The following SPTBN4 variants were observed in gnomAD, a reference collection of about 807,000 sequenced individuals.
SPTBN4 encodes the protein spectrin beta, non-erythrocytic 4.
SPTBN4 carries 96 observed loss-of-function variants against 277.8 expected under a neutral mutation model. The observed-to-expected ratio is 0.35, with a 90% CI of 0.29 to 0.41. The LOEUF (loss-of-function observed/expected upper bound fraction) is 0.41, where lower values mean the gene tolerates loss of function less well. Among genes scored for constraint, SPTBN4 ranks in the 10% least tolerant of loss-of-function variants. The pLI, the probability that SPTBN4 is intolerant of heterozygous loss-of-function variation, is 1.00. For missense variants in SPTBN4, 3,006 were observed against 3,595.7 expected, an observed-to-expected ratio of 0.84 and a Z score of 4.19; for synonymous variants, 1,481 against 1,580.3, an observed-to-expected ratio of 0.94 and a Z score of 1.49.
chr19:40,565,490 G>T lies in SPTBN4; in HGVS notation c.5983G>T (p.Val1995Leu). The T allele has an allele frequency of 6.2e-7, 1 of 1,614,144 alleles. No homozygotes were observed. The highest frequency in any genetic ancestry group is 8.5e-7 in the Non-Finnish European group (1 of 1,180,020). ...CCTGAAGACTGAGCTGGAGGCGCGG[G>T]TGCCTGAGCTGACCACCTGCCAGGA... ...QGLKTELEAR[V>L]PELTTCQELG... Residue 1995 changes from valine to leucine, a missense_variant, in exon 28 of 36, where the codon GTG becomes TTG. Val to Leu is a conservative substitution (Grantham distance 32). Transcript: ENST00000598249.
At chr19:40,468,593 C>T (rs186272126) in intron 1 of SPTBN4, among the ~76,000 whole-genome samples, 6 of 152,200 alleles carry the variant, frequency 3.9e-5, no homozygotes, top group South Asian at 2.1e-4. Flanking sequence ...TTGGCCAGGC[C>T]GGTCTCGAAT....
At position 40,549,093 on chromosome 19, in the gene SPTBN4, G is replaced by C. The variant is rs531958516; in HGVS notation, c.4360-96G>C. The C allele has an allele frequency of 2.1e-4, 217 of 1,027,144 alleles. 2 individuals are homozygous for C. Among genetic ancestry groups the C allele is most frequent in the African/African-American group, 2.1e-3 (126 of 60,572 alleles). 63.6% of individuals were successfully genotyped at this position (1,027,144 alleles called of 1,614,324 possible). A position where few individuals can be genotyped will look rare whatever the true frequency, so the allele number is the denominator to read the frequency against. Reference sequence around the variant, plus strand: ...AGGAGAGGGTGGAAGGGTGGGCCGCGGTGAGGGGTCTGGCTGTCACCATAA... The same window carrying C: ...AGGAGAGGGTGGAAGGGTGGGCCGCCGTGAGGGGTCTGGCTGTCACCATAA... On this transcript the variant is annotated intron_variant, in intron 20 of 35. Coordinates refer to ENST00000598249, the MANE Select transcript of SPTBN4 (RefSeq NM_020971.3).
At chr19:40,532,793 C>T in intron 19 of SPTBN4, 22 bp downstream of exon 19, 1 of 1,597,342 alleles carries the variant, frequency 6.3e-7, no homozygotes, top group Non-Finnish European at 8.5e-7. Context: ...GATGGCCCCT[C>T]TGCCTGTGCC....
At chr19:40,501,770 C>T (rs1386222698) in intron 7 of SPTBN4, 151 bp from the exon 8 acceptor site, 14 of 670,188 alleles carry the variant, frequency 2.1e-5, no homozygotes, top group African/African-American at 5.4e-5. Flanking sequence ...TTCTATTTGA[C>T]GGATACAAAA....
intron 7 of SPTBN4, 21 bp downstream of exon 7, chr19:40,497,625 G>T: frequency 6.2e-7 from 1 of 1,604,094 alleles, no homozygotes. Context: ...CGCGGGCCCA[G>T]CCCAGACTTC....
rs747607156 is a variant in SPTBN4 at position 40,534,162 on chromosome 19, C to T, written c.4178C>T (p.Ala1393Val). ...CTGGGCGAGATCCGCCAGTGCTGGG[C>T]GGAGCTGGAGAGCACCACCCAGGCC... Reference protein sequence around the residue: ...KKLGEIRQCWAELESTTQAKA... With the variant: ...KKLGEIRQCWVELESTTQAKA... The change falls in exon 20 of 36, where the codon GCG becomes GTG. Residue 1393 changes from alanine to valine, a missense_variant. Around this residue, in one of 5 missense-constraint regions of SPTBN4, gnomAD observed 1,759 missense variants for 2,061.5 expected, o/e 0.85. Coordinates refer to ENST00000598249, the MANE Select transcript of SPTBN4 (RefSeq NM_020971.3). 88 of 1,613,216 alleles carry T rather than the reference C, an allele frequency of 5.5e-5. No individual in the cohort carries two copies. Among genetic ancestry groups the T allele is most frequent in the African/African-American group, 1.1e-4 (8 of 74,922 alleles).
At chr19:40,504,642 C>T (rs2080303746) in intron 12 of SPTBN4, among the ~76,000 whole-genome samples, 1 of 150,944 alleles carries the variant, frequency 6.6e-6, no homozygotes, top group South Asian at 2.1e-4. Context: ...GCACTCCAGC[C>T]TGGGCGACAG....
intron 31 of SPTBN4, 95 bp downstream of exon 31, chr19:40,568,377 GA>G: frequency 7.0e-7 from 1 of 1,431,434 alleles, no homozygotes; most frequent in Non-Finnish European, 9.2e-7. Context: ...TCAGGGCTCA[GA>G]ACTTCCCAAA....
chr19:40,484,697 G>C (rs774404107), intron 2 of SPTBN4, among the ~76,000 whole-genome samples: 2 of 151,896 alleles, frequency 1.3e-5, no homozygotes, highest in East Asian at 1.9e-4. Context: ...GGAGGCCAAG[G>C]GGGGTGGATC....
At chr19:40,495,580 G>A (rs551795862) in intron 6 of SPTBN4, among the ~76,000 whole-genome samples, 7 of 152,092 alleles carry the variant, frequency 4.6e-5, no homozygotes, top group South Asian at 4.2e-4. Flanking sequence ...CCCAGGAGGC[G>A]GAGGTTGCAA....
At chr19:40,484,787 C>T (rs1443613540) in intron 2 of SPTBN4, among the ~76,000 whole-genome samples, 1 of 151,718 alleles carries the variant, frequency 6.6e-6, no homozygotes, top group Non-Finnish European at 1.5e-5. Context: ...AAAAAATTAG[C>T]CGGGCGTGGT....
At chr19:40,472,155 C>T (rs2079892376) in intron 1 of SPTBN4, among the ~76,000 whole-genome samples, 1 of 151,994 alleles carries the variant, frequency 6.6e-6, no homozygotes, top group Non-Finnish European at 1.5e-5. Context: ...GTGATCCGCC[C>T]GCCTCTGCCT....
intron 1 of SPTBN4, among the ~76,000 whole-genome samples, chr19:40,471,222 C>T (rs2079881242): frequency 6.6e-6 from 1 of 152,164 alleles, no homozygotes; most frequent in Non-Finnish European, 1.5e-5. Flanking sequence ...GCTGGGATTA[C>T]ATGCATGAGC....
intron 18 of SPTBN4, among the ~76,000 whole-genome samples, chr19:40,530,313 C>T (rs1004841149): frequency 6.6e-6 from 1 of 152,068 alleles, no homozygotes; most frequent in Admixed American, 6.5e-5. Context: ...GATCAGGCAG[C>T]AATCATCTGA....
chr19:40,485,487 C>T (rs1017900525), intron 2 of SPTBN4, among the ~76,000 whole-genome samples: 3 of 151,976 alleles, frequency 2.0e-5, no homozygotes, highest in African/African-American at 4.8e-5. Flanking sequence ...CATAGGAAGT[C>T]GCAAAGATAG....
intron 2 of SPTBN4, among the ~76,000 whole-genome samples, chr19:40,487,234 AT>A (rs1490045580): frequency 6.6e-6 from 1 of 150,790 alleles, no homozygotes; most frequent in Non-Finnish European, 1.5e-5. Context: ...TAGAGACAGG[AT>A]TTCACCATAT....
At chr19:40,473,645 C>T (rs138911681) in intron 2 of SPTBN4, among the ~76,000 whole-genome samples, 82 of 152,188 alleles carry the variant, frequency 5.4e-4, no homozygotes, top group African/African-American at 1.8e-3. Flanking sequence ...GCATGAGCCA[C>T]GGCACCCGGC....
rs1490099555 is a variant in SPTBN4, at chr19:40,572,346, A to G, written c.7502A>G (p.Asp2501Gly). The G allele has an allele frequency of 6.2e-7, 1 of 1,614,042 alleles. No individual in the cohort carries two copies. Among genetic ancestry groups the G allele is most frequent in the African/African-American group, 1.3e-5 (1 of 74,920 alleles). The change falls in exon 35 of 36, where the codon GAT becomes GGT. Residue 2501 changes from aspartate to glycine, a missense_variant. Physicochemically the swap from Asp to Gly is moderately conservative, Grantham distance 94. Around this residue, in one of 5 missense-constraint regions of SPTBN4, gnomAD observed 630 missense variants for 677.6 expected, o/e 0.93. Coordinates refer to ENST00000598249, the MANE Select transcript of SPTBN4 (RefSeq NM_020971.3). ...TGTGTCCCTTCCTGCAGGACCCAGGATGGCAGTGAGTTTTTGCTCCAGGCA... is the reference window on the plus strand; with the variant it reads ...TGTGTCCCTTCCTGCAGGACCCAGGGTGGCAGTGAGTTTTTGCTCCAGGCA... The part of the protein sequence containing the change: ...KKHVFKLQTQ[D>G]GSEFLLQAKD...
intron 5 of SPTBN4, among the ~76,000 whole-genome samples, chr19:40,494,564 ATCTT>A (rs1323751827): frequency 2.7e-5 from 4 of 148,568 alleles, no homozygotes; most frequent in Admixed American, 2.0e-4. Flanking sequence ...CTATCTATCT[ATCTT>A]CTATCAATCT....
Sources: gnomAD v4.1 joint callset for allele counts (sites outside exome capture counted in the v4.1 genomes callset) on GRCh38, gnomAD v4.1.1 for gene constraint, gnomAD v4.1.1 regional missense constraint, MANE v1.5 for transcripts, NCBI Gene and HGNC (gene_info 2026-07-23, HGNC 2026-07-21) for gene names.